METTL15: variants seen among roughly 807,000 people sequenced by gnomAD.
METTL15 encodes 12S rRNA N(4)-cytidine methyltransferase METTL15.
A neutral mutation model predicts 38.3 loss-of-function variants in METTL15; 34 were observed. That is an observed-to-expected ratio of 0.89 (90% CI 0.68 to 1.18). The LOEUF is 1.18. METTL15 is among the 50% of genes most tolerant of loss of function. The pLI, the probability that METTL15 is intolerant of heterozygous loss-of-function variation, is 0.00. For synonymous variants in METTL15, 162 were observed against 170.9 expected (o/e 0.95, Z 0.41); for missense variants, 438 against 498.4 (o/e 0.88, Z 1.15).
At chr11:28,436,939 G>A (rs950860601) in intron 6 of METTL15, among the ~76,000 whole-genome samples, 4 of 152,202 alleles carry the variant, frequency 2.6e-5, no homozygotes, top group African/African-American at 9.6e-5. Flanking sequence ...CATCTAATCA[G>A]TTGCCAGCAT....
chr11:28,315,265 A>G (rs965069034), intron 6 of METTL15, among the ~76,000 whole-genome samples: 2 of 152,200 alleles, frequency 1.3e-5, no homozygotes, highest in Non-Finnish European at 2.9e-5. Flanking sequence ...GTCCAGGCCA[A>G]TGTGGTCTCA....
At chr11:28,281,413 G>A (rs555104543) in intron 4 of METTL15, among the ~76,000 whole-genome samples, 14 of 152,090 alleles carry the variant, frequency 9.2e-5, no homozygotes, top group African/African-American at 2.7e-4. Context: ...CTCAGCATCC[G>A]CTTGCAAATA....
intron 6 of METTL15, among the ~76,000 whole-genome samples, chr11:28,448,566 T>G (rs776222340): frequency 1.6e-4 from 24 of 152,210 alleles, no homozygotes; most frequent in Non-Finnish European, 2.9e-4. Flanking sequence ...GGGTTAACAT[T>G]GGTAGTTTCC....
At chr11:28,267,135 G>T (rs1451129050) in intron 4 of METTL15, among the ~76,000 whole-genome samples, 1 of 147,878 alleles carries the variant, frequency 6.8e-6, no homozygotes. Flanking sequence ...ACTCCAGCCT[G>T]GGCAACTAGA....
intron 4 of METTL15, among the ~76,000 whole-genome samples, chr11:28,226,903 C>A (rs1853502215): frequency 6.6e-6 from 1 of 151,702 alleles, no homozygotes; most frequent in African/African-American, 2.4e-5. Flanking sequence ...AGAATTGTCA[C>A]AAATATAAAC....
chr11:28,510,338 G>A (rs768410326), intron 6 of METTL15, among the ~76,000 whole-genome samples: 3 of 152,080 alleles, frequency 2.0e-5, no homozygotes, highest in African/African-American at 4.8e-5. Flanking sequence ...GCATCTGTTT[G>A]TTTATTTTCC....
intron 3 of METTL15, among the ~76,000 whole-genome samples, chr11:28,179,558 A>G (rs186544030): frequency 5.4e-4 from 82 of 151,844 alleles, no homozygotes; most frequent in Non-Finnish European, 1.0e-3. Context: ...TCTGCATTCA[A>G]CATGTTTGTG....
intron 3 of METTL15, among the ~76,000 whole-genome samples, chr11:28,119,975 G>A (rs1208379474): frequency 2.0e-5 from 3 of 152,048 alleles, no homozygotes; most frequent in Admixed American, 6.6e-5. Flanking sequence ...TTTTTGAGAC[G>A]GAGTCTCACT....
At chr11:28,127,922 A>C (rs891407118) in intron 3 of METTL15, among the ~76,000 whole-genome samples, 1 of 152,072 alleles carries the variant, frequency 6.6e-6, no homozygotes. Flanking sequence ...GTTTCTTTTC[A>C]TGTGTTTATA....
intron 6 of METTL15, among the ~76,000 whole-genome samples, chr11:28,325,288 T>A (rs991965243): frequency 6.6e-6 from 1 of 152,196 alleles, no homozygotes; most frequent in African/African-American, 2.4e-5. Context: ...GATGTAAACA[T>A]CCTACCTCGG....
At chr11:28,338,891 A>T (rs1849925146) in intron 3 of METTL15, among the ~76,000 whole-genome samples, 1 of 152,142 alleles carries the variant, frequency 6.6e-6, no homozygotes, top group African/African-American at 2.4e-5. Context: ...AGGTGAAAGC[A>T]TCAGAGAGCT....
intron 6 of METTL15, among the ~76,000 whole-genome samples, chr11:28,526,033 T>C (rs530038417): frequency 2.0e-5 from 3 of 152,346 alleles, no homozygotes; most frequent in Admixed American, 2.0e-4. Flanking sequence ...CCTCTGCAGC[T>C]GCTGGCCCGG....
chr11:28,527,204 C>A (rs1020935318), downstream of METTL15, among the ~76,000 whole-genome samples: 14 of 152,136 alleles, frequency 9.2e-5, no homozygotes, highest in East Asian at 2.7e-3. Context: ...AGTTGGAAAA[C>A]AAATTTAGTT....
chr11:28,235,318 A>T (rs1400572020), intron 4 of METTL15, among the ~76,000 whole-genome samples: 1 of 152,058 alleles, frequency 6.6e-6, no homozygotes, highest in South Asian at 2.1e-4. Flanking sequence ...TGCACTTTAA[A>T]GTAGTTTTTT....
chr11:28,425,075 C>T (rs1048036160), intron 6 of METTL15, among the ~76,000 whole-genome samples: 1 of 152,120 alleles, frequency 6.6e-6, no homozygotes, highest in African/African-American at 2.4e-5. Context: ...TAGACTTGGC[C>T]TCTGGTGATA....
intron 6 of METTL15, among the ~76,000 whole-genome samples, chr11:28,323,959 A>G (rs1849552699): frequency 6.6e-6 from 1 of 152,206 alleles, no homozygotes; most frequent in Admixed American, 6.5e-5. Flanking sequence ...TGAGAGAAGT[A>G]AGTGCCAAAT....
chr11:28,321,113 A>G (rs17650424), intron 6 of METTL15, among the ~76,000 whole-genome samples: 19,605 of 152,146 alleles, frequency 0.13, 1,559 homozygotes, highest in East Asian at 0.28. Context: ...TAACATATCA[A>G]ATCCCCTTCC....
chr11:28,330,794 A>G lies in METTL15; in HGVS notation c.1177A>G (p.Asn393Asp), dbSNP rs1349050997. ...LSPQDQDVQD[N>D]PRGRSAKLRA... ...TCCACAAGATCAGGATGTACAAGATAACCCCAGAGGGCGCTCAGCCAAGCT... is the reference window on the plus strand; with the variant it reads ...TCCACAAGATCAGGATGTACAAGATGACCCCAGAGGGCGCTCAGCCAAGCT... The change falls in exon 7 of 7, where the codon AAC (asparagine) becomes GAC (aspartate). Residue 393 changes from asparagine to aspartate, a missense_variant. Transcript: ENST00000407364. 1 of 1,551,756 alleles carries G rather than the reference A, an allele frequency of 6.4e-7. No homozygotes were observed. Among genetic ancestry groups the G allele is most frequent in the Non-Finnish European group, 8.7e-7 (1 of 1,146,844 alleles).
At chr11:28,120,795 T>C (rs755573629) in intron 3 of METTL15, among the ~76,000 whole-genome samples, 3 of 152,330 alleles carry the variant, frequency 2.0e-5, no homozygotes, top group South Asian at 4.1e-4. Context: ...TGTCAACTTA[T>C]CCTTCTTAAA....
Sources: allele counts gnomAD v4.1 joint callset (sites outside exome capture counted in the v4.1 genomes callset), GRCh38; gene constraint gnomAD v4.1.1; transcripts MANE v1.5; gene names NCBI Gene and HGNC (gene_info 2026-07-23, HGNC 2026-07-21).